The following NCOR2 variants were observed in gnomAD, a reference collection of about 807,000 sequenced individuals.
The protein encoded by NCOR2 is nuclear receptor corepressor 2, also known as CTG repeat protein 26.
In NCOR2, 81 loss-of-function variants were observed where a neutral mutation model predicts 262.9. That is an observed-to-expected ratio of 0.31 (90% confidence interval 0.26 to 0.37). The LOEUF (loss-of-function observed/expected upper bound fraction) is 0.37. Ranked by LOEUF, NCOR2 falls within the 10% of genes least tolerant of loss-of-function variation. The probability of loss-of-function intolerance (pLI) is 1.00; values close to 1 mark genes in which losing one functional copy is unlikely to be tolerated. For missense variants in NCOR2, 3,385 were observed against 3,621.4 expected, an observed-to-expected ratio of 0.93 and a Z score of 1.68; for synonymous variants, 1,659 against 1,559.3, an observed-to-expected ratio of 1.06 and a Z score of -1.51.
Position 124,490,407 on chromosome 12 carries a change from CAGAT to C in NCOR2, c.106-3843_106-3840del, listed in dbSNP as rs1234523384. Among the ~76,000 whole-genome samples the C allele has an allele frequency of 1.6e-3, 210 of 130,076 alleles. 1 individual carries two copies. The highest frequency in any genetic ancestry group is 7.7e-3 in the South Asian group (34 of 4,428). The allele number at this position is 130,076 out of a possible 152,430, so 85.3% of individuals were successfully genotyped here. A position where few individuals can be genotyped will look rare whatever the true frequency, so the allele number is the denominator to read the frequency against. ...CCCGAGACGCCTGATAAGTATTTGC[CAGAT>C]GGATGGATGGATGGATGGATGGATG... On this transcript the variant is annotated intron_variant, in intron 1 of 46. Coordinates refer to ENST00000405201, the Ensembl canonical transcript of NCOR2.
rs563374724 is a variant in NCOR2 at position 124,429,676 on chromosome 12, G to A, written c.1086C>T (p.Ser362=). The A allele has an allele frequency of 2.2e-4, 354 of 1,609,144 alleles. 4 individuals carry two copies. The South Asian group carries it at 3.6e-3, about 17-fold the overall frequency. ...CGTGCTCGCTGCGGGCGGCCGACAT[G>A]GACAGCCCACTGCCCCGCTGGCCCA... The change falls in exon 10 of 47, where the codon TCC becomes TCT. Residue 362 remains serine (S), a synonymous_variant. Coordinates refer to ENST00000405201, the Ensembl canonical transcript of NCOR2.
chr12:124,512,005 T>C (rs1465035803), intron 1 of NCOR2, among the ~76,000 whole-genome samples: 1 of 152,230 alleles, frequency 6.6e-6, no homozygotes, highest in Non-Finnish European at 1.5e-5. Context: ...TACTGCAGCC[T>C]TGACCTCCTG....
At chr12:124,508,601 A>G (rs1357456494) in intron 1 of NCOR2, among the ~76,000 whole-genome samples, 1 of 152,226 alleles carries the variant, frequency 6.6e-6, no homozygotes, top group East Asian at 1.9e-4. Flanking sequence ...GCAGAGACCC[A>G]GGAATGTGGC....
At chr12:124,460,902 C>G (rs1373727573) in intron 5 of NCOR2, among the ~76,000 whole-genome samples, 1 of 152,254 alleles carries the variant, frequency 6.6e-6, no homozygotes. Context: ...GCCCCTGGTC[C>G]TGGCAAACAG....
exon 47 of NCOR2, chr12:124,325,376 C>CGGGGGGGG: frequency 1.2e-5 from 5 of 426,504 alleles, no homozygotes; most frequent in Non-Finnish European, 1.7e-5. Context: ...GACCTGACAC[C>CGGGGGGGG]GCCCCCCCCC....
chr12:124,335,342 T>C, intron 39 of NCOR2, 62 bp from the exon 42 acceptor site: 1 of 1,506,384 alleles, frequency 6.6e-7, no homozygotes, highest in Non-Finnish European at 8.9e-7. Flanking sequence ...TGGGCCCAAA[T>C]CCCAGCCCCA....
Position 124,362,390 on chromosome 12 carries a change from A to G in NCOR2, c.2929-93T>C, listed in dbSNP as rs920941403. ...ATGCACGCGACCAGCCTGGAAACCA[A>G]GGCCCGGGAAAGCCAGCGACATGCT... On this transcript the variant is annotated intron_variant, in intron 21 of 46. Coordinates refer to ENST00000405201, the Ensembl canonical transcript of NCOR2. 4.8e-5 allele frequency: 57 copies of G among 1,195,168 alleles called. No individual in the cohort carries two copies. In the African/African-American group the frequency reaches 8.1e-4, roughly 17 times the overall value. The allele number at this position is 1,195,168 out of a possible 1,614,324, so 74.0% of individuals were successfully genotyped here.
At chr12:124,552,883 C>T (rs748794099) in intron 1 of NCOR2, among the ~76,000 whole-genome samples, 2 of 152,188 alleles carry the variant, frequency 1.3e-5, no homozygotes, top group Non-Finnish European at 2.9e-5. Context: ...GGGGGTCCCA[C>T]TGTGTTCCCC....
chr12:124,516,275 TC>T (rs963958065), intron 1 of NCOR2, among the ~76,000 whole-genome samples: 2 of 151,994 alleles, frequency 1.3e-5, no homozygotes, highest in Non-Finnish European at 2.9e-5. Flanking sequence ...GAACTGGCCC[TC>T]CCGCGCCAGT....
In NCOR2 at chr12:124,326,185, G is replaced by A; in HGVS notation, c.7363+6C>T. 2.6e-6 allele frequency: 4 copies of A among 1,517,696 alleles called. No individual in the cohort carries two copies. Among genetic ancestry groups the A allele is most frequent in the South Asian group, 1.2e-5 (1 of 81,074 alleles). The allele number at this position is 1,517,696 out of a possible 1,614,324, so 94.0% of individuals were successfully genotyped here. ...GAGCCCAGCCCTGTCCCCACCTGGT[G>A]CCCACCTGCGGACGAGGGCCTGTCC... On this transcript the variant is annotated splice_donor_region_variant and intron_variant, in intron 46 of 46. Coordinates refer to ENST00000405201, the Ensembl canonical transcript of NCOR2.
rs969218840 is a variant in NCOR2 at position 124,378,165 on chromosome 12, G to C, written c.2167+72C>G. ...AGGGGAGAGGAGGCTGCCGGGATCA[G>C]TTCCCGCTATGCCCTCCCTCAGAGC... On this transcript the variant is annotated intron_variant, in intron 18 of 46. Transcript: ENST00000405201. This position sits in a 1 kb window ranked among gnomAD's most constrained non-coding sequence, Gnocchi z 4.2. 6.4e-7 allele frequency: 1 copy of C among 1,566,004 alleles called. No individual in the cohort carries two copies. Among genetic ancestry groups the C allele is most frequent in the African/African-American group, 1.4e-5 (1 of 73,748 alleles).
intron 18 of NCOR2, among the ~76,000 whole-genome samples, chr12:124,376,959 C>T (rs1486963087): frequency 2.0e-5 from 3 of 152,320 alleles, no homozygotes; most frequent in East Asian, 3.9e-4. Flanking sequence ...TGAGGTCCTC[C>T]AGGGGCCTTC....
At chr12:124,350,521 A>G (rs1230577356) in intron 28 of NCOR2, 66 bp downstream of exon 30, 1 of 1,559,556 alleles carries the variant, frequency 6.4e-7, no homozygotes, top group Non-Finnish European at 8.7e-7. Context: ...CTCCCTGTGA[A>G]GCTACCTCAG....
chr12:124,567,148 C>T (rs537708009), intron 1 of NCOR2, among the ~76,000 whole-genome samples, 160 bp downstream of exon 1: 1 of 152,088 alleles, frequency 6.6e-6, no homozygotes, highest in African/African-American at 2.4e-5. Flanking sequence ...GTCGGCGGGG[C>T]GCCTTGCTCC....
chr12:124,504,772 GC>G lies in NCOR2; in HGVS notation c.-117-9405del, dbSNP rs1216182327. ...AAGACATGGCACAAAAGGCAAAGAA[GC>G]CGCTCAGAAAGGCCACGCACTGCAT... On this transcript the variant is annotated intron_variant, in intron 1 of 46. Transcript: ENST00000404621. The surrounding 1 kb of genome is among the most constrained non-coding windows in gnomAD (Gnocchi z 4.5). Among the ~76,000 whole-genome samples, 1 of 152,206 alleles carries G rather than the reference GC, an allele frequency of 6.6e-6. No homozygotes were observed. Among genetic ancestry groups the G allele is most frequent in the African/African-American group, 2.4e-5 (1 of 41,460 alleles).
intron 6 of NCOR2, among the ~76,000 whole-genome samples, chr12:124,455,953 G>A (rs763389940): frequency 2.7e-4 from 41 of 152,140 alleles, no homozygotes; most frequent in Admixed American, 5.2e-4. Context: ...ATAGCTCACC[G>A]CAGCCTTGAA....
At position 124,391,503 on chromosome 12, in the gene NCOR2, G is replaced by T. The variant is rs924250165; in HGVS notation, c.1877-5616C>A. Among the ~76,000 whole-genome samples the T allele has an allele frequency of 4.8e-4, 4 of 8,314 alleles. No individual in the cohort carries two copies. In the Admixed American group the frequency reaches 0.013, roughly 26 times the overall value. 5.5% of individuals were successfully genotyped at this position (8,314 alleles called of 152,430 possible). A position where few individuals can be genotyped will look rare whatever the true frequency, so the allele number is the denominator to read the frequency against. ...CATTTCAGAAACCCCAAGCCCTGGC[G>T]GGGGGGGGGTTCCACAGGGACGGTG... On this transcript the variant is annotated intron_variant, in intron 16 of 46. Coordinates refer to ENST00000405201, the Ensembl canonical transcript of NCOR2.
chr12:124,352,037 G>C (rs552772895), intron 27 of NCOR2, among the ~76,000 whole-genome samples: 6 of 152,160 alleles, frequency 3.9e-5, no homozygotes, highest in Non-Finnish European at 8.8e-5. Context: ...GAATTCTGAT[G>C]AGCTCCCCCC....
chr12:124,495,417 G>A, upstream of NCOR2: 1 of 1,351,222 alleles, frequency 7.4e-7, no homozygotes, highest in Non-Finnish European at 9.8e-7. The surrounding 1 kb of genome is among the most constrained non-coding windows in gnomAD (Gnocchi z 4.4). Context: ...GGGGCAGCTG[G>A]CTCCTCCGTG....
Sources: gnomAD v4.1 joint callset for allele counts (sites outside exome capture counted in the v4.1 genomes callset) on GRCh38, gnomAD v4.1.1 for gene constraint, Gnocchi (gnomAD v3.1) non-coding constraint, MANE v1.5 for transcripts, NCBI Gene and HGNC (gene_info 2026-07-23, HGNC 2026-07-21) for gene names.